Variants in SH2D4A observed in about 807,000 individuals in gnomAD.
SH2D4A encodes SH2 domain containing 4A, also known as SH2 domain-containing protein 4A.
A neutral mutation model predicts 64.7 loss-of-function variants in SH2D4A; 70 were observed. The ratio of observed to expected loss-of-function variants is 1.08; its 90% CI spans 0.89 to 1.32. The LOEUF (loss-of-function observed/expected upper bound fraction) is 1.32, where lower values mean the gene tolerates loss of function less well. Among genes scored for constraint, SH2D4A ranks in the 40% most tolerant of loss-of-function variants. The pLI, the probability that SH2D4A is intolerant of heterozygous loss-of-function variation, is 0.00. For synonymous variants in SH2D4A, 268 were observed against 200.7 expected, an observed-to-expected ratio of 1.34 and a Z score of -2.83; for missense variants, 706 against 540.1, an observed-to-expected ratio of 1.31 and a Z score of -3.04.
intron 4 of SH2D4A, among the ~76,000 whole-genome samples, chr8:19,343,574 A>G (rs2052562652): frequency 6.6e-6 from 1 of 152,188 alleles, no homozygotes; most frequent in Admixed American, 6.5e-5. Context: ...TCCCAGTACA[A>G]ATGTAAGGGG....
chr8:19,386,749 C>G (rs1307196969), intron 8 of SH2D4A, among the ~76,000 whole-genome samples: 1 of 152,118 alleles, frequency 6.6e-6, no homozygotes, highest in African/African-American at 2.4e-5. Flanking sequence ...ATTTTAAAAG[C>G]CATGTGTTTG....
chr8:19,357,244 A>C lies in SH2D4A; in HGVS notation c.555A>C (p.Ala185=). ...CAAGAAATATTCAACAAATGTTGGC[A>C]GATTCAATCAATCGTATGAAGGCAT... ...SSSRNIQQML[A]DSINRMKAYA... is the part of the protein sequence containing the mutation. The change falls in exon 5 of 10, where the codon GCA becomes GCC. Residue 185 remains alanine, a synonymous_variant. Coordinates refer to ENST00000265807, the MANE Select transcript of SH2D4A (RefSeq NM_022071.4). 6.2e-7 allele frequency: 1 copy of C among 1,614,082 alleles called. No individual in the cohort carries two copies. Among genetic ancestry groups the C allele is most frequent in the Non-Finnish European group, 8.5e-7 (1 of 1,179,900 alleles).
In SH2D4A at chr8:19,334,697, C is replaced by G. The variant is rs777774445; in HGVS notation, c.353C>G (p.Ser118Cys). The change falls in exon 4 of 10, where the codon TCT becomes TGT. Residue 118 changes from serine to cysteine, a missense_variant. By Grantham distance (112) the Ser-to-Cys change is moderately radical. Transcript: ENST00000265807. ...TTGCCTCTCTTCAGAAAAACTCACTCTGAAGAATTCACCAATAGCTTGAAA... is the reference window on the plus strand; with the variant it reads ...TTGCCTCTCTTCAGAAAAACTCACTGTGAAGAATTCACCAATAGCTTGAAA... ...QEAEEPRKTHSEEFTNSLKTK... is the reference protein window; with the variant it reads ...QEAEEPRKTHCEEFTNSLKTK... 6 of 1,598,734 alleles carry G rather than the reference C, an allele frequency of 3.8e-6. No homozygotes were observed. In the African/African-American group the frequency reaches 8.1e-5, roughly 22 times the overall value.
At chr8:19,317,062 G>A (rs1563180549) in intron 1 of SH2D4A, among the ~76,000 whole-genome samples, 1 of 152,180 alleles carries the variant, frequency 6.6e-6, no homozygotes, top group East Asian at 1.9e-4. Context: ...AGGATTCGCT[G>A]CATTCAAAAT....
intron 4 of SH2D4A, among the ~76,000 whole-genome samples, chr8:19,335,147 G>A (rs1470875074): frequency 6.6e-6 from 1 of 152,080 alleles, no homozygotes; most frequent in African/African-American, 2.4e-5. Context: ...AATTAGCTGG[G>A]CGTGGTGGCG....
At chr8:19,315,019 CTTTTA>C (rs763045812) in intron 1 of SH2D4A, among the ~76,000 whole-genome samples, 1 of 151,892 alleles carries the variant, frequency 6.6e-6, no homozygotes, top group Non-Finnish European at 1.5e-5. Context: ...TACCACAATA[CTTTTA>C]TTTATTTTTT....
intron 2 of SH2D4A, among the ~76,000 whole-genome samples, chr8:19,323,109 C>T (rs943476990): frequency 3.9e-5 from 6 of 151,978 alleles, no homozygotes; most frequent in South Asian, 2.1e-4. Context: ...TAGGGAGAGA[C>T]GTATGGATCT....
intron 2 of SH2D4A, among the ~76,000 whole-genome samples, chr8:19,322,651 C>G (rs2052211732): frequency 7.3e-6 from 1 of 136,208 alleles, no homozygotes; most frequent in African/African-American, 2.8e-5. Flanking sequence ...GAGTCTTGCT[C>G]TGTCTCCCAA....
Position 19,394,613 on chromosome 8 carries a change from C to T in SH2D4A, c.1336C>T (p.Leu446=). The T allele has an allele frequency of 6.2e-7, 1 of 1,611,026 alleles. No individual in the cohort carries two copies. ...LLYPCGQQDQ[L]PDYLELFE is the part of the protein sequence containing the mutation. ...CTATCCCTGTGGTCAGCAGGACCAG[C>T]TGCCTGACTACCTGGAGCTGTTTGA... The change falls in exon 10 of 10, where the codon CTG becomes TTG. Residue 446 remains leucine, a synonymous_variant. Transcript: ENST00000265807.
intron 4 of SH2D4A, among the ~76,000 whole-genome samples, chr8:19,355,498 A>T (rs146515326): frequency 6.6e-6 from 1 of 152,234 alleles, no homozygotes; most frequent in Non-Finnish European, 1.5e-5. Context: ...TGTGAAACCT[A>T]CAGGATTCAT....
At chr8:19,376,567 A>C (rs1042814310) in intron 8 of SH2D4A, among the ~76,000 whole-genome samples, 2 of 152,180 alleles carry the variant, frequency 1.3e-5, no homozygotes, top group Non-Finnish European at 2.9e-5. Context: ...GGTTATAGCG[A>C]GCTGAGATTG....
chr8:19,364,062 G>C lies in SH2D4A; in HGVS notation c.707-10G>C. ...GATGAGGGTTTTCTCCGACCCCGTT[G>C]TTTTTCCAGTGCGAAAATCCAAAGC... On this transcript the variant is annotated splice_polypyrimidine_tract_variant and intron_variant, in intron 6 of 9. Coordinates refer to ENST00000265807, the MANE Select transcript of SH2D4A (RefSeq NM_022071.4). The C allele has an allele frequency of 1.2e-6, 2 of 1,613,756 alleles. No individual in the cohort carries two copies. The highest frequency in any genetic ancestry group is 1.7e-6 in the Non-Finnish European group (2 of 1,179,858).
chr8:19,364,291 C>G lies in SH2D4A; in HGVS notation c.917+9C>G. On this transcript the variant is annotated intron_variant, in intron 7 of 9. Coordinates refer to ENST00000265807, the MANE Select transcript of SH2D4A (RefSeq NM_022071.4). ...CCTCAAAAACCTCTTAGGTAAGAAGCCACACAGATGGGTTTATGCATAAAC... is the reference window on the plus strand; with the variant it reads ...CCTCAAAAACCTCTTAGGTAAGAAGGCACACAGATGGGTTTATGCATAAAC... The G allele has an allele frequency of 6.2e-7, 1 of 1,613,812 alleles. No homozygotes were observed. Among genetic ancestry groups the G allele is most frequent in the African/African-American group, 1.3e-5 (1 of 75,018 alleles).
chr8:19,394,403 G>C (rs757407793), intron 9 of SH2D4A, 147 bp from the exon 10 acceptor site: 4 of 532,032 alleles, frequency 7.5e-6, no homozygotes, highest in Non-Finnish European at 1.3e-5. Context: ...GTCACATGTA[G>C]ATAAGAAAAA....
chr8:19,361,472 G>T, intron 6 of SH2D4A, 158 bp downstream of exon 6: 1 of 695,898 alleles, frequency 1.4e-6, no homozygotes, highest in Non-Finnish European at 2.1e-6. Flanking sequence ...TTACTCAAAT[G>T]CTTACAGGCT....
intron 8 of SH2D4A, among the ~76,000 whole-genome samples, chr8:19,393,101 A>G (rs535949988): frequency 5.3e-5 from 8 of 152,266 alleles, no homozygotes; most frequent in Admixed American, 1.3e-4. Context: ...TCTATACATG[A>G]TTTTTATACA....
chr8:19,358,995 A>G (rs1311023917), intron 5 of SH2D4A, among the ~76,000 whole-genome samples: 3 of 152,192 alleles, frequency 2.0e-5, no homozygotes, highest in Non-Finnish European at 4.4e-5. Flanking sequence ...TGCCTGGCTG[A>G]CAGTCCTGAG....
Position 19,341,496 on chromosome 8 carries a change from A to G in SH2D4A, c.513+6639A>G, listed in dbSNP as rs1042821810. Among the ~76,000 whole-genome samples the G allele has an allele frequency of 3.9e-5, 6 of 152,132 alleles. No homozygotes were observed. The East Asian group carries it at 1.2e-3, about 29-fold the overall frequency. On this transcript the variant is annotated intron_variant, in intron 4 of 9. Coordinates refer to ENST00000265807, the MANE Select transcript of SH2D4A (RefSeq NM_022071.4). ...AATATTCAAGGGAAATCAGCTATAA[A>G]TTTATTAAAGTAAAGCTGTCTTGTT...
intron 8 of SH2D4A, among the ~76,000 whole-genome samples, chr8:19,386,792 A>T (rs568456809): frequency 3.0e-4 from 46 of 151,544 alleles, no homozygotes; most frequent in South Asian, 8.3e-4. Flanking sequence ...TGCTTTTTTT[A>T]AAAAAAAGAC....
Sources: gnomAD v4.1 joint callset for allele counts (sites outside exome capture counted in the v4.1 genomes callset) on GRCh38, gnomAD v4.1.1 for gene constraint, MANE v1.5 for transcripts, NCBI Gene and HGNC (gene_info 2026-07-23, HGNC 2026-07-21) for gene names.